ADGRB1: variants seen among roughly 807,000 people sequenced by gnomAD.
ADGRB1 encodes brain-specific angiogenesis inhibitor 1.
Under a neutral mutation model 175.7 loss-of-function variants are expected in ADGRB1, and 36 were observed. The ratio of observed to expected loss-of-function variants is 0.20; its 90% CI spans 0.16 to 0.27. The LOEUF is 0.27. Among genes scored for constraint, ADGRB1 ranks in the 10% least tolerant of loss-of-function variants. ADGRB1 has a pLI of 1.00. For missense variants in ADGRB1, 1,731 were observed against 2,255.3 expected (o/e 0.77, Z 4.71); for synonymous variants, 1,054 against 979.4 (o/e 1.08, Z -1.42).
chr8:142,544,455 G>C lies in ADGRB1; in HGVS notation c.*38G>C. On this transcript the variant is annotated 3_prime_UTR_variant, in exon 31 of 31. Transcript: ENST00000517894. ...CGGCCACGCACTGGGCCACGGAGGA[G>C]GGATGCTGCTCCGCCCGCTCCTGCC... 6.9e-7 allele frequency: 1 copy of C among 1,439,342 alleles called. No individual in the cohort carries two copies. Among genetic ancestry groups the C allele is most frequent in the South Asian group, 1.5e-5 (1 of 68,790 alleles). 89.2% of individuals were successfully genotyped at this position (1,439,342 alleles called of 1,614,324 possible). A position where few individuals can be genotyped will look rare whatever the true frequency, so the allele number is the denominator to read the frequency against.
chr8:142,502,448 TGATGG>T lies in ADGRB1; in HGVS notation c.2676-8482_2676-8478del. ...GTGGTGGTGGTGGTAGTGGTGGTGA[TGATGG>T]GGTGGTGCAGTCATCACTGTGGTTT... On this transcript the variant is annotated intron_variant, in intron 17 of 30. Transcript: ENST00000517894. 2.0e-4 allele frequency among the ~76,000 whole-genome samples: 17 copies of T among 83,754 alleles called. 6 individuals are homozygous for T. Among genetic ancestry groups the T allele is most frequent in the African/African-American group, 8.1e-4 (16 of 19,780 alleles). The allele number at this position is 83,754 out of a possible 152,430, so 54.9% of individuals were successfully genotyped here.
intron 17 of ADGRB1, among the ~76,000 whole-genome samples, chr8:142,506,054 C>T (rs2132009678): frequency 6.6e-6 from 1 of 152,346 alleles, no homozygotes; most frequent in South Asian, 2.1e-4. Context: ...CTGTCATGCA[C>T]CAGAATGTGT....
rs1356870568 is a variant in ADGRB1 at position 142,542,694 on chromosome 8, C to T, written c.4413+47C>T. ...CACACCCCAGCCAGCGAGGGCAGGG[C>T]TGCAGCAGCTGGGTCACCCCTGCTG... is the stretch of plus-strand genomic sequence containing the variant. On this transcript the variant is annotated intron_variant, in intron 28 of 30. Coordinates refer to ENST00000517894, the MANE Select transcript of ADGRB1 (RefSeq NM_001702.3). The surrounding 1 kb of genome is among the most constrained non-coding windows in gnomAD (Gnocchi z 6.3). The T allele has an allele frequency of 2.0e-6, 3 of 1,479,356 alleles. No individual in the cohort carries two copies. Among genetic ancestry groups the T allele is most frequent in the Admixed American group, 4.5e-5 (2 of 44,788 alleles). The allele number at this position is 1,479,356 out of a possible 1,614,324, so 91.6% of individuals were successfully genotyped here.
In ADGRB1 at chr8:142,460,301, C is replaced by T. The variant is rs999544172; in HGVS notation, c.-219-3679C>T. Among the ~76,000 whole-genome samples, 3 of 152,212 alleles carry T rather than the reference C, an allele frequency of 2.0e-5. No homozygotes were observed. In the South Asian group the frequency reaches 6.2e-4, roughly 31 times the overall value. On this transcript the variant is annotated intron_variant, in intron 1 of 30. Coordinates refer to ENST00000517894, the MANE Select transcript of ADGRB1 (RefSeq NM_001702.3). ...AGGTGGGGAGGCCCGTGCCCACTGGCAGGCTCAGGGGCCATCAGCCAAGAC... is the reference window on the plus strand; with the variant it reads ...AGGTGGGGAGGCCCGTGCCCACTGGTAGGCTCAGGGGCCATCAGCCAAGAC...
intron 23 of ADGRB1, among the ~76,000 whole-genome samples, chr8:142,526,191 C>G (rs973342907): frequency 6.6e-6 from 1 of 152,130 alleles, no homozygotes; most frequent in Non-Finnish European, 1.5e-5. Flanking sequence ...GGAGTGTGAC[C>G]CCAGGGAGAG....
intron 27 of ADGRB1, among the ~76,000 whole-genome samples, chr8:142,541,590 G>T (rs573671732): frequency 6.6e-6 from 1 of 152,224 alleles, no homozygotes; most frequent in Non-Finnish European, 1.5e-5. Flanking sequence ...AGACCGTTCT[G>T]CCTGTGTCCC....
At chr8:142,535,784 C>A (rs1844889311) in intron 25 of ADGRB1, among the ~76,000 whole-genome samples, 1 of 151,990 alleles carries the variant, frequency 6.6e-6, no homozygotes. Flanking sequence ...GCCTGTGGGA[C>A]CGGGCACACG....
intron 24 of ADGRB1, among the ~76,000 whole-genome samples, chr8:142,528,514 T>A (rs542743211): frequency 6.6e-6 from 1 of 152,230 alleles, no homozygotes; most frequent in South Asian, 2.1e-4. Flanking sequence ...GGGCGCTTGC[T>A]TTCGTTTCAG....
At chr8:142,528,755 C>T (rs1844399217) in intron 24 of ADGRB1, among the ~76,000 whole-genome samples, 1 of 152,198 alleles carries the variant, frequency 6.6e-6, no homozygotes, top group Admixed American at 6.5e-5. Flanking sequence ...TTCTACCGTC[C>T]ACTCTGGGTT....
In ADGRB1 at chr8:142,479,787, C is replaced by T. The variant is rs751355074; in HGVS notation, c.1821C>T (p.Asn607=). 27 of 1,611,762 alleles carry T rather than the reference C, an allele frequency of 1.7e-5. No individual in the cohort carries two copies. In the East Asian group the frequency reaches 3.1e-4, roughly 19 times the overall value. Residue 607 remains asparagine, a synonymous_variant, in exon 9 of 31, where the codon AAC becomes AAT. Coordinates refer to ENST00000517894, the MANE Select transcript of ADGRB1 (RefSeq NM_001702.3). Reference sequence around the variant, plus strand: ...TGGCTGCTGTCCGGTGTCCCCGCAACGCCACAGGTGAGGGCTGGAGAGCAC... The same window carrying T: ...TGGCTGCTGTCCGGTGTCCCCGCAATGCCACAGGTGAGGGCTGGAGAGCAC... ...GEVAAVRCPR[N]ATGLILRRCE...
chr8:142,469,478 T>C (rs1563684853), intron 2 of ADGRB1, among the ~76,000 whole-genome samples: 1 of 144,014 alleles, frequency 6.9e-6, no homozygotes, highest in East Asian at 2.1e-4. Flanking sequence ...CGTGCATGTG[T>C]GAGTGTGTAT....
Position 142,464,069 on chromosome 8 carries a change from C to CA in ADGRB1, c.-129dup. ...TGTCACCTGAAGCGGGGCCCTCTCC[C>CA]ATCCCACCCTTGCCCCGCCTCCCTG... is the stretch of plus-strand genomic sequence containing the variant. On this transcript the variant is annotated 5_prime_UTR_variant, in exon 2 of 31. Transcript: ENST00000517894. The CA allele has an allele frequency of 1.4e-6, 1 of 692,690 alleles. No homozygotes were observed. Among genetic ancestry groups the CA allele is most frequent in the Non-Finnish European group, 2.0e-6 (1 of 510,814 alleles). 42.9% of individuals were successfully genotyped at this position (692,690 alleles called of 1,614,324 possible). A position where few individuals can be genotyped will look rare whatever the true frequency, so the allele number is the denominator to read the frequency against.
chr8:142,461,647 T>C (rs996796493), intron 1 of ADGRB1, among the ~76,000 whole-genome samples: 2 of 152,070 alleles, frequency 1.3e-5, no homozygotes, highest in South Asian at 2.1e-4. Context: ...GGGAATGCTA[T>C]GGGGTGGAGC....
Position 142,452,100 on chromosome 8 carries a change from T to C in ADGRB1, c.-220+1996T>C, listed in dbSNP as rs565716258. 5.2e-3 allele frequency among the ~76,000 whole-genome samples: 787 copies of C among 152,280 alleles called. 4 individuals carry two copies. The highest frequency in any genetic ancestry group is 0.018 in the African/African-American group (731 of 41,574). On this transcript the variant is annotated intron_variant, in intron 1 of 30. Transcript: ENST00000517894. ...GCGCCCGGTCCCCGGAGGCGGACGT[T>C]GCGCGCGTTCGGGGATCCCGGAGCG...
At chr8:142,460,765 T>A (rs1386636827) in intron 1 of ADGRB1, among the ~76,000 whole-genome samples, 1 of 152,182 alleles carries the variant, frequency 6.6e-6, no homozygotes, top group Non-Finnish European at 1.5e-5. Context: ...AAGTGGGCCG[T>A]GTGCACCTTC....
chr8:142,459,124 G>T (rs1011620116), intron 1 of ADGRB1, among the ~76,000 whole-genome samples: 1 of 152,236 alleles, frequency 6.6e-6, no homozygotes, highest in African/African-American at 2.4e-5. Context: ...CCTGGCATGG[G>T]GTGGGCTCAG....
intron 21 of ADGRB1, 64 bp downstream of exon 21, chr8:142,522,179 C>T: frequency 6.4e-7 from 1 of 1,562,168 alleles, no homozygotes; most frequent in South Asian, 1.2e-5. Context: ...CTTGTTCTGT[C>T]CTGGCAGCCC....
chr8:142,452,613 G>T (rs1370155109), intron 1 of ADGRB1, among the ~76,000 whole-genome samples: 1 of 152,176 alleles, frequency 6.6e-6, no homozygotes. Context: ...CAACGTGCCC[G>T]GTCCGCAGCG....
intron 18 of ADGRB1, among the ~76,000 whole-genome samples, chr8:142,512,562 A>G (rs1455212703): frequency 2.0e-5 from 3 of 152,166 alleles, no homozygotes; most frequent in Admixed American, 6.5e-5. Context: ...TCAGGCCTGC[A>G]GCAGGTCAGT....
Sources: allele counts gnomAD v4.1 joint callset (sites outside exome capture counted in the v4.1 genomes callset), GRCh38; gene constraint gnomAD v4.1.1; non-coding constraint Gnocchi (gnomAD v3.1); transcripts MANE v1.5; gene names NCBI Gene and HGNC (gene_info 2026-07-23, HGNC 2026-07-21).